The following TAAR2 variants were observed in gnomAD, a reference collection of about 807,000 sequenced individuals.
TAAR2 encodes trace amine-associated receptor 2.
TAAR2 carries 30 observed loss-of-function variants against 25.5 expected under a neutral mutation model. That is an observed-to-expected ratio of 1.18 (90% CI 0.88 to 1.60). The LOEUF is 1.60. Among genes scored for constraint, TAAR2 ranks in the 40% most tolerant of loss-of-function variants. TAAR2 has a pLI of 0.00. For synonymous variants in TAAR2, 150 were observed against 142.4 expected (o/e 1.05, Z -0.38); for missense variants, 481 against 416.5 (o/e 1.15, Z -1.35).
intron 1 of TAAR2, among the ~76,000 whole-genome samples, chr6:132,621,666 G>C (rs908046219): frequency 6.6e-6 from 1 of 151,956 alleles, no homozygotes; most frequent in Non-Finnish European, 1.5e-5. Context: ...AAAATCATAG[G>C]CTACAGGGCT....
intron 1 of TAAR2, among the ~76,000 whole-genome samples, chr6:132,622,592 TCTC>T (rs1211856803): frequency 2.7e-5 from 4 of 150,464 alleles, no homozygotes; most frequent in Admixed American, 1.3e-4. Context: ...TTCAAGTGAT[TCTC>T]CTGCCTCAGC....
chr6:132,619,233 T>C (rs771018137), intron 1 of TAAR2, among the ~76,000 whole-genome samples: 27 of 152,220 alleles, frequency 1.8e-4, no homozygotes, highest in Non-Finnish European at 3.2e-4. Context: ...AAGCCATCTC[T>C]ACTACAAGAA....
At position 132,617,331 on chromosome 6, in the gene TAAR2, G is replaced by A; in HGVS notation, c.875C>T (p.Thr292Ile). 6.2e-7 allele frequency: 1 copy of A among 1,613,580 alleles called. No homozygotes were observed. Among genetic ancestry groups the A allele is most frequent in the Non-Finnish European group, 8.5e-7 (1 of 1,179,848 alleles). Reference protein sequence around the residue: ...ILLDPFLNFSTPVVLFDALTW... With the variant: ...ILLDPFLNFSIPVVLFDALTW... ...CAAGGCATCAAACAAAACTACAGGA[G>A]TAGAGAAGTTCAAAAAGGGATCCAA... The change falls in exon 2 of 2, where the codon ACT (threonine) becomes ATT (isoleucine). Residue 292 changes from threonine (T) to isoleucine (I), a missense_variant. Physicochemically the swap from Thr to Ile is moderately conservative, Grantham distance 89 (BLOSUM62 -1). Coordinates refer to ENST00000367931, the MANE Select transcript of TAAR2 (RefSeq NM_001033080.1).
At chr6:132,623,236 A>C (rs1472979897) in intron 1 of TAAR2, among the ~76,000 whole-genome samples, 1 of 152,226 alleles carries the variant, frequency 6.6e-6, no homozygotes, top group East Asian at 1.9e-4. Flanking sequence ...GCCACTTATA[A>C]GGAGGTAAGC....
chr6:132,621,771 A>G (rs1243389051), intron 1 of TAAR2, among the ~76,000 whole-genome samples: 1 of 152,150 alleles, frequency 6.6e-6, no homozygotes, highest in East Asian at 1.9e-4. Context: ...GTCTACATTC[A>G]CACTTGAATT....
intron 1 of TAAR2, among the ~76,000 whole-genome samples, chr6:132,619,686 T>A: frequency 6.6e-6 from 1 of 152,112 alleles, no homozygotes; most frequent in Non-Finnish European, 1.5e-5. Context: ...ATTCTGCACC[T>A]CAGATGAAAG....
chr6:132,619,232 C>T (rs1345731118), intron 1 of TAAR2, among the ~76,000 whole-genome samples: 1 of 152,178 alleles, frequency 6.6e-6, no homozygotes, highest in Admixed American at 6.5e-5. Context: ...CAAGCCATCT[C>T]TACTACAAGA....
chr6:132,623,135 T>C (rs1777397679), intron 1 of TAAR2, among the ~76,000 whole-genome samples: 2 of 151,896 alleles, frequency 1.3e-5, no homozygotes, highest in Non-Finnish European at 2.9e-5. Context: ...AAAGAGGAAA[T>C]GGGATTGTAA....
At chr6:132,621,168 A>C (rs1004580661) in intron 1 of TAAR2, among the ~76,000 whole-genome samples, 4 of 151,858 alleles carry the variant, frequency 2.6e-5, no homozygotes, top group African/African-American at 4.8e-5. Context: ...AAAAAAAAAA[A>C]ACAACAACAA....
At chr6:132,622,534 A>G (rs4598104) in intron 1 of TAAR2, among the ~76,000 whole-genome samples, 33,569 of 129,472 alleles carry the variant, frequency 0.26, 7,934 homozygotes, top group African/African-American at 0.62. Flanking sequence ...AGCCCAGGCT[A>G]GAGTGCAATG....
At chr6:132,620,345 A>G (rs1777356122) in intron 1 of TAAR2, among the ~76,000 whole-genome samples, 1 of 152,240 alleles carries the variant, frequency 6.6e-6, no homozygotes, top group African/African-American at 2.4e-5. Context: ...ACCACAAAAT[A>G]GAAACACTAC....
At chr6:132,618,356 T>C (rs1453186064) in intron 1 of TAAR2, among the ~76,000 whole-genome samples, 2 of 152,164 alleles carry the variant, frequency 1.3e-5, no homozygotes, top group African/African-American at 4.8e-5. Flanking sequence ...AAGATCATTA[T>C]TGGCCAGGTG....
chr6:132,624,070 T>G (rs1777411627), intron 1 of TAAR2, 146 bp downstream of exon 1: 1 of 777,404 alleles, frequency 1.3e-6, no homozygotes, highest in African/African-American at 1.8e-5. Flanking sequence ...CTTTGATAAA[T>G]GTGATTAAAA....
chr6:132,619,632 T>A (rs1582739544), intron 1 of TAAR2, among the ~76,000 whole-genome samples: 1 of 152,158 alleles, frequency 6.6e-6, no homozygotes, highest in Admixed American at 6.5e-5. Context: ...GATTCTACAA[T>A]GCAGCTGAAG....
rs1777318764 is a variant in TAAR2, at chr6:132,617,802, C to G, written c.404G>C (p.Cys135Ser). 6.2e-7 allele frequency: 1 copy of G among 1,613,864 alleles called. No homozygotes were observed. Among genetic ancestry groups the G allele is most frequent in the African/African-American group, 1.3e-5 (1 of 74,898 alleles). Residue 135 changes from cysteine (C) to serine (S), a missense_variant, in exon 2 of 2, where the codon TGC (cysteine) becomes TCC (serine). Coordinates refer to ENST00000367931, the MANE Select transcript of TAAR2 (RefSeq NM_001033080.1). ...ATAAAATCTATCAATGGCCACTGAG[C>G]AAAGATGAAAAATGGATGTTATGCT... ...MLSITSIFHL[C>S]SVAIDRFYAI...
chr6:132,618,381 T>A (rs1202644269), intron 1 of TAAR2, among the ~76,000 whole-genome samples: 1 of 152,200 alleles, frequency 6.6e-6, no homozygotes, highest in Non-Finnish European at 1.5e-5. Flanking sequence ...GGCTCACGCC[T>A]GTAATCCCAG....
rs867007428 is a variant in TAAR2, at chr6:132,620,017, T to C, written c.61-1872A>G. Among the ~76,000 whole-genome samples the C allele has an allele frequency of 1.1e-4, 16 of 152,214 alleles. No individual in the cohort carries two copies. The South Asian group carries it at 2.7e-3, about 26-fold the overall frequency. Reference sequence around the variant, plus strand: ...GAGGGAGAGAAGAAAGTGCTTCTAGTTTCATTGTTGTTCCTCAAGCCAGTG... The same window carrying C: ...GAGGGAGAGAAGAAAGTGCTTCTAGCTTCATTGTTGTTCCTCAAGCCAGTG... On this transcript the variant is annotated intron_variant, in intron 1 of 1. Transcript: ENST00000367931.
rs570458501 is a variant in TAAR2, at chr6:132,618,224, CA to C, written c.61-80del. ...TTATATATGCTTTCATAGAAAAACTCAAGAAAGGCAGAGAAGAATCAAGGAA... is the reference window on the plus strand; with the variant it reads ...TTATATATGCTTTCATAGAAAAACTCAGAAAGGCAGAGAAGAATCAAGGAA... On this transcript the variant is annotated intron_variant, in intron 1 of 1. Coordinates refer to ENST00000367931, the MANE Select transcript of TAAR2 (RefSeq NM_001033080.1). The C allele has an allele frequency of 8.5e-5, 110 of 1,293,930 alleles. No individual in the cohort carries two copies. The African/African-American group carries it at 1.6e-3, about 18-fold the overall frequency. 80.2% of individuals were successfully genotyped at this position (1,293,930 alleles called of 1,614,324 possible).
chr6:132,622,236 TAA>T (rs1274716195), intron 1 of TAAR2, among the ~76,000 whole-genome samples: 6 of 151,768 alleles, frequency 4.0e-5, no homozygotes, highest in African/African-American at 1.4e-4. Flanking sequence ...ATTGTTAAAA[TAA>T]AAGTGTTTTC....
Sources: allele counts gnomAD v4.1 joint callset (sites outside exome capture counted in the v4.1 genomes callset), GRCh38; gene constraint gnomAD v4.1.1; transcripts MANE v1.5; gene names NCBI Gene and HGNC (gene_info 2026-07-23, HGNC 2026-07-21).